The following GSE1 variants were observed in gnomAD, a reference collection of about 807,000 sequenced individuals.
GSE1 encodes the protein genetic suppressor element 1.
In GSE1, 32 loss-of-function variants were observed where a neutral mutation model predicts 112.6. The observed-to-expected ratio is 0.28, with a 90% CI of 0.21 to 0.38. The LOEUF (loss-of-function observed/expected upper bound fraction) is 0.38, where lower values mean the gene tolerates loss of function less well. GSE1 is among the 10% of genes least tolerant of loss of function. The pLI is 1.00. For missense variants in GSE1, 2,348 were observed against 1,699.2 expected (o/e 1.38, Z -6.71); for synonymous variants, 1,115 against 735.6 (o/e 1.52, Z -8.35).
chr16:85,304,160 G>A (rs1347807416), intron 1 of GSE1, among the ~76,000 whole-genome samples: 1 of 152,224 alleles, frequency 6.6e-6, no homozygotes, highest in Non-Finnish European at 1.5e-5. Flanking sequence ...CCATTGCCAG[G>A]GAATACAGAG....
chr16:85,573,765 T>TCTC (rs1045717067), intron 1 of GSE1, among the ~76,000 whole-genome samples: 19 of 152,182 alleles, frequency 1.2e-4, no homozygotes, highest in African/African-American at 4.6e-4. Context: ...GGGAAGCATT[T>TCTC]CTCCTCCTCC....
chr16:85,398,811 G>C (rs550952743), intron 2 of GSE1, among the ~76,000 whole-genome samples: 155 of 152,274 alleles, frequency 1.0e-3, no homozygotes, highest in Non-Finnish European at 2.0e-3. Context: ...CCCGCACAGA[G>C]AATGTGTGTG....
chr16:85,661,870 G>C (rs187579486), intron 9 of GSE1, 105 bp downstream of exon 9: 1 of 1,185,480 alleles, frequency 8.4e-7, no homozygotes, highest in Non-Finnish European at 1.1e-6. Context: ...CCTGCTTTTT[G>C]CCTGGGGTAG....
intron 1 of GSE1, among the ~76,000 whole-genome samples, chr16:85,243,943 A>G (rs1905373065): frequency 6.6e-6 from 1 of 152,224 alleles, no homozygotes. Context: ...CCTGGCCAAC[A>G]TAGAGAAACC....
chr16:85,508,915 G>C (rs115100491), intron 2 of GSE1, among the ~76,000 whole-genome samples: 2,108 of 152,340 alleles, frequency 0.014, 37 homozygotes, highest in South Asian at 0.067. Flanking sequence ...TATGTGCACT[G>C]GGCAGGCACA....
At chr16:85,370,606 TCC>T (rs2047275203) in intron 2 of GSE1, among the ~76,000 whole-genome samples, 1 of 4,418 alleles carries the variant, frequency 2.3e-4, no homozygotes, top group Non-Finnish European at 1.1e-3. Flanking sequence ...TTCTCTTCCC[TCC>T]CTCCTTCTCT....
At chr16:85,204,457 G>C (rs2075081161) in intron 1 of GSE1, among the ~76,000 whole-genome samples, 1 of 152,230 alleles carries the variant, frequency 6.6e-6, no homozygotes, top group Non-Finnish European at 1.5e-5. Context: ...TCAATTCTCT[G>C]AGGAATTCTC....
chr16:85,513,816 G>T (rs1457006982), intron 2 of GSE1, among the ~76,000 whole-genome samples: 2 of 152,050 alleles, frequency 1.3e-5, no homozygotes, highest in East Asian at 1.9e-4. Context: ...GGGGAGGGGG[G>T]GTCCCACATT....
rs544777326 is a variant in GSE1, at chr16:85,169,930, C to A, written c.406C>A (p.Arg136Ser). Residue 136 changes from arginine to serine, a missense_variant, in exon 1 of 3, where the codon CGC becomes AGC. Arg to Ser is a moderately radical substitution (Grantham distance 110). Coordinates refer to the GSE1 transcript ENST00000637419. Reference sequence around the variant, plus strand: ...CCGCCGTGGCGGCGCCGGGGCCCCCCGCGAGTGGAACGTCGCCTACGCGCT... The same window carrying A: ...CCGCCGTGGCGGCGCCGGGGCCCCCAGCGAGTGGAACGTCGCCTACGCGCT... 28 of 984,486 alleles carry A rather than the reference C, an allele frequency of 2.8e-5. No homozygotes were observed. The East Asian group carries it at 3.0e-3, about 104-fold the overall frequency. The allele number at this position is 984,486 out of a possible 1,614,324, so 61.0% of individuals were successfully genotyped here.
chr16:85,351,139 C>T (rs985877954), intron 1 of GSE1, among the ~76,000 whole-genome samples: 3 of 152,132 alleles, frequency 2.0e-5, no homozygotes, highest in African/African-American at 7.2e-5. Flanking sequence ...AGACCTGGGG[C>T]ACCAGCTGTG....
At chr16:85,265,046 C>A (rs779941464) in intron 1 of GSE1, among the ~76,000 whole-genome samples, 3 of 152,180 alleles carry the variant, frequency 2.0e-5, no homozygotes, top group Non-Finnish European at 4.4e-5. Context: ...CCCGGAGCAG[C>A]GTCTGGCATG....
At chr16:85,234,974 G>A (rs888699675) in intron 1 of GSE1, among the ~76,000 whole-genome samples, 2 of 152,112 alleles carry the variant, frequency 1.3e-5, no homozygotes, top group African/African-American at 4.8e-5. Flanking sequence ...ATACTAGAGA[G>A]AGAGGCCAAT....
chr16:85,285,467 A>C (rs2044993206), intron 1 of GSE1: 1 of 152,108 alleles, frequency 6.6e-6, no homozygotes, highest in Admixed American at 6.6e-5. Flanking sequence ...GGATCATCTG[A>C]GGTCAGGAGT....
chr16:85,635,977 G>A (rs759081420), intron 2 of GSE1, among the ~76,000 whole-genome samples: 10 of 152,250 alleles, frequency 6.6e-5, no homozygotes, highest in Non-Finnish European at 1.3e-4. Flanking sequence ...GCTGCCCCAT[G>A]CTGCTGGCCC....
chr16:85,451,764 G>T (rs1271758544), intron 2 of GSE1, among the ~76,000 whole-genome samples: 1 of 150,610 alleles, frequency 6.6e-6, no homozygotes, highest in Non-Finnish European at 1.5e-5. Context: ...CGCTGGTGGT[G>T]GTTGGTGCGT....
At chr16:85,640,207 C>T (rs888050871) in intron 2 of GSE1, among the ~76,000 whole-genome samples, 61 of 152,090 alleles carry the variant, frequency 4.0e-4, no homozygotes, top group African/African-American at 1.4e-3. Context: ...TCCTTGTCAC[C>T]AGCCCGGTGG....
upstream of GSE1, among the ~76,000 whole-genome samples, chr16:85,608,222 A>C (rs2047798074): frequency 6.6e-6 from 1 of 152,044 alleles, no homozygotes; most frequent in South Asian, 2.1e-4. Flanking sequence ...ACCTTCACCG[A>C]TGCGTAGGGC....
intron 10 of GSE1, 108 bp from the exon 11 acceptor site, chr16:85,663,236 C>A: frequency 2.2e-6 from 3 of 1,374,902 alleles, no homozygotes; most frequent in South Asian, 1.3e-5. Flanking sequence ...CCACCAGGCG[C>A]AGCCAGCTAC....
At chr16:85,265,352 A>G (rs1908128131) in intron 1 of GSE1, among the ~76,000 whole-genome samples, 1 of 152,146 alleles carries the variant, frequency 6.6e-6, no homozygotes, top group Non-Finnish European at 1.5e-5. Context: ...GTGGAGGCAG[A>G]CATGACTGCT....
Sources: allele counts gnomAD v4.1 joint callset (sites outside exome capture counted in the v4.1 genomes callset), GRCh38; gene constraint gnomAD v4.1.1; transcripts MANE v1.5; gene names NCBI Gene and HGNC (gene_info 2026-07-23, HGNC 2026-07-21).